FOXK1: variants seen among roughly 807,000 people sequenced by gnomAD.
The protein encoded by FOXK1 is forkhead box K1.
A neutral mutation model predicts 51.9 loss-of-function variants in FOXK1; 19 were observed. The observed-to-expected ratio is 0.37, with a 90% CI of 0.26 to 0.54. The LOEUF (loss-of-function observed/expected upper bound fraction) is 0.54. Ranked by LOEUF, FOXK1 falls within the 20% of genes least tolerant of loss-of-function variation. The pLI is 0.87. For missense variants in FOXK1, 870 were observed against 1,032.7 expected (o/e 0.84, Z 2.16); for synonymous variants, 537 against 482.6 (o/e 1.11, Z -1.48).
intron 1 of FOXK1, among the ~76,000 whole-genome samples, chr7:4,686,741 T>C (rs190778784): frequency 2.0e-5 from 3 of 152,082 alleles, no homozygotes; most frequent in Non-Finnish European, 4.4e-5. Context: ...AACAAATTAA[T>C]GACCACATGA....
chr7:4,726,059 G>A (rs1005407766), intron 1 of FOXK1, among the ~76,000 whole-genome samples: 1 of 152,056 alleles, frequency 6.6e-6, no homozygotes, highest in Non-Finnish European at 1.5e-5. Flanking sequence ...TCTCTGTTGG[G>A]GTGTGATTGG....
chr7:4,698,820 C>G (rs1779984153), intron 1 of FOXK1, among the ~76,000 whole-genome samples: 1 of 152,180 alleles, frequency 6.6e-6, no homozygotes, highest in Non-Finnish European at 1.5e-5. Flanking sequence ...TTCCAAGTAA[C>G]TGGAACTATA....
At chr7:4,699,376 G>GTTT (rs367704367) in intron 1 of FOXK1, among the ~76,000 whole-genome samples, 1 of 136,180 alleles carries the variant, frequency 7.3e-6, no homozygotes, top group African/African-American at 2.7e-5. Context: ...ACAGGGTTAG[G>GTTT]TTTTTTTTTT....
At chr7:4,740,053 G>C (rs1780611759) in intron 1 of FOXK1, among the ~76,000 whole-genome samples, 1 of 152,184 alleles carries the variant, frequency 6.6e-6, no homozygotes, top group Non-Finnish European at 1.5e-5. Flanking sequence ...CCAGCAGTTT[G>C]GGAGGCTGAG....
Position 4,757,166 on chromosome 7 carries a change from C to A in FOXK1, c.1223C>A (p.Pro408His). Residue 408 changes from proline to histidine, a missense_variant, in exon 5 of 9, where the codon CCC (proline) becomes CAC (histidine). This residue lies in a region of FOXK1 where 457 missense variants were observed against 510.8 expected (regional missense o/e 0.89). Transcript: ENST00000328914. ...RQRGVSCFRTPFGPLSSRSAP... is the reference protein window; with the variant it reads ...RQRGVSCFRTHFGPLSSRSAP... ...AGGGGTGTCTCCTGCTTCCGCACCC[C>A]CTTCGGGCCTCTGTCCTCAAGGTAA... The A allele has an allele frequency of 1.2e-6, 2 of 1,609,444 alleles. No individual in the cohort carries two copies. The highest frequency in any genetic ancestry group is 1.7e-6 in the Non-Finnish European group (2 of 1,178,422).
Position 4,733,315 on chromosome 7 carries a change from C to T in FOXK1, c.561-7523C>T, listed in dbSNP as rs1178219329. On this transcript the variant is annotated intron_variant, in intron 1 of 8. Coordinates refer to ENST00000328914, the MANE Select transcript of FOXK1 (RefSeq NM_001037165.2). The surrounding 1 kb of genome is among the most constrained non-coding windows in gnomAD (Gnocchi z 5.0). ...GAGTGCTGGGATTATAGATGTAAGC[C>T]ACCCTACCCAGCCACACATGACCAT... Among the ~76,000 whole-genome samples, 2 of 152,084 alleles carry T rather than the reference C, an allele frequency of 1.3e-5. No individual in the cohort carries two copies. The highest frequency in any genetic ancestry group is 4.8e-5 in the African/African-American group (2 of 41,396).
Position 4,730,995 on chromosome 7 carries a change from T to G in FOXK1, c.561-9843T>G, listed in dbSNP as rs1381034680. Among the ~76,000 whole-genome samples, 1 of 151,964 alleles carries G rather than the reference T, an allele frequency of 6.6e-6. No homozygotes were observed. Among genetic ancestry groups the G allele is most frequent in the Non-Finnish European group, 1.5e-5 (1 of 67,970 alleles). ...TAGCCTGGGCAACATAACAAGACCC[T>G]GTCTCTACAAAAAATCAAAACCATT... On this transcript the variant is annotated intron_variant, in intron 1 of 8. Transcript: ENST00000328914. The surrounding 1 kb of genome is among the most constrained non-coding windows in gnomAD (Gnocchi z 4.7).
At chr7:4,738,656 G>C (rs1780589897) in intron 1 of FOXK1, among the ~76,000 whole-genome samples, 1 of 152,126 alleles carries the variant, frequency 6.6e-6, no homozygotes, top group African/African-American at 2.4e-5. Flanking sequence ...TATCCCCCAA[G>C]ATTCACTCGC....
At position 4,722,019 on chromosome 7, in the gene FOXK1, G is replaced by A. The variant is rs185475222; in HGVS notation, c.561-18819G>A. On this transcript the variant is annotated intron_variant, in intron 1 of 8. Coordinates refer to ENST00000328914, the MANE Select transcript of FOXK1 (RefSeq NM_001037165.2). This position sits in a 1 kb window ranked among gnomAD's most constrained non-coding sequence, Gnocchi z 5.1. ...TTACTTTCTCCCAAAGGAGGCAGCC[G>A]GGGTGAGACTGGTGACCCCGCTGCA... Among the ~76,000 whole-genome samples, 148 of 152,336 alleles carry A rather than the reference G, an allele frequency of 9.7e-4. 1 individual carries two copies. Among genetic ancestry groups the A allele is most frequent in the Non-Finnish European group, 1.0e-4 (7 of 68,036 alleles).
At chr7:4,705,529 C>T (rs1434529734) in intron 1 of FOXK1, among the ~76,000 whole-genome samples, 1 of 144,360 alleles carries the variant, frequency 6.9e-6, no homozygotes, top group Non-Finnish European at 1.5e-5. Flanking sequence ...CTCTCTCTCT[C>T]TCTCTCTCTC....
chr7:4,724,881 A>T (rs1440069621), intron 1 of FOXK1, among the ~76,000 whole-genome samples: 2 of 152,226 alleles, frequency 1.3e-5, no homozygotes, highest in Non-Finnish European at 2.9e-5. Context: ...CGTAGGCCAC[A>T]CCCACTTTGC....
intron 1 of FOXK1, among the ~76,000 whole-genome samples, chr7:4,710,213 C>A (rs1475150004): frequency 6.6e-6 from 1 of 152,232 alleles, no homozygotes; most frequent in Non-Finnish European, 1.5e-5. Flanking sequence ...GCAAACAACA[C>A]AAATGCCTGC....
chr7:4,690,211 G>T (rs947836717), intron 1 of FOXK1, among the ~76,000 whole-genome samples: 1 of 152,102 alleles, frequency 6.6e-6, no homozygotes, highest in Non-Finnish European at 1.5e-5. Context: ...GAATGTTCCC[G>T]TTGGGTGATG....
At chr7:4,712,266 G>A (rs952795164) in intron 1 of FOXK1, among the ~76,000 whole-genome samples, 4 of 152,072 alleles carry the variant, frequency 2.6e-5, no homozygotes, top group African/African-American at 9.7e-5. Context: ...ACTTGGAAAC[G>A]ATTTACTCCG....
chr7:4,698,313 T>C (rs762978377), intron 1 of FOXK1, among the ~76,000 whole-genome samples: 13 of 131,574 alleles, frequency 9.9e-5, no homozygotes, highest in Non-Finnish European at 1.9e-4. Flanking sequence ...TATGTGTGTG[T>C]ATATATATAT....
rs369230415 is a variant in FOXK1 at position 4,759,318 on chromosome 7, C to T, written c.1419C>T (p.Pro473=). 5.6e-5 allele frequency: 90 copies of T among 1,600,390 alleles called. No homozygotes were observed. The highest frequency in any genetic ancestry group is 1.7e-4 in the Middle Eastern group (1 of 6,060). Residue 473 remains proline, a synonymous_variant, in exon 7 of 9, where the codon CCC becomes CCT. Coordinates refer to ENST00000328914, the MANE Select transcript of FOXK1 (RefSeq NM_001037165.2). ...YRYSQSAPGS[P]VSAQPVIMAV... is the part of the protein sequence containing the mutation. Reference sequence around the variant, plus strand: ...TCTCCGCCCTCCGTGCAGGCTCCCCCGTCAGCGCCCAGCCAGTGATCATGG... The same window carrying T: ...TCTCCGCCCTCCGTGCAGGCTCCCCTGTCAGCGCCCAGCCAGTGATCATGG...
chr7:4,760,051 T>G, intron 7 of FOXK1: 1 of 167,862 alleles, frequency 6.0e-6, no homozygotes, highest in Non-Finnish European at 1.2e-5. Context: ...AACCCATGAA[T>G]CTCCGCAGAT....
chr7:4,691,156 A>G (rs1178167966), intron 1 of FOXK1, among the ~76,000 whole-genome samples: 1 of 152,196 alleles, frequency 6.6e-6, no homozygotes, highest in Non-Finnish European at 1.5e-5. Flanking sequence ...ACCAGGGTTC[A>G]AGAACTCGCC....
intron 1 of FOXK1, among the ~76,000 whole-genome samples, chr7:4,704,200 C>T (rs1780053738): frequency 6.6e-6 from 1 of 152,066 alleles, no homozygotes; most frequent in Non-Finnish European, 1.5e-5. Context: ...CCTGTAATTC[C>T]AGCACTTTGG....
Sources: allele counts gnomAD v4.1 joint callset (sites outside exome capture counted in the v4.1 genomes callset), GRCh38; gene constraint gnomAD v4.1.1; regional missense constraint gnomAD v4.1.1; non-coding constraint Gnocchi (gnomAD v3.1); transcripts MANE v1.5; gene names NCBI Gene and HGNC (gene_info 2026-07-23, HGNC 2026-07-21).